The following BLTP1 variants were observed in gnomAD, a reference collection of about 807,000 sequenced individuals.
BLTP1 encodes the protein bridge-like lipid transfer protein family member 1.
chr4:122,245,101 G>A, the BLTP1 span: 1 of 1,610,640 alleles, frequency 6.2e-7, no homozygotes, highest in Non-Finnish European at 8.5e-7. Flanking sequence ...AAGTCCTCAG[G>A]GAAGCTGTCC....
At chr4:122,167,184 G>A in the BLTP1 span, among the ~76,000 whole-genome samples, 5 of 152,070 alleles carry the variant, frequency 3.3e-5, no homozygotes, top group African/African-American at 1.2e-4. Flanking sequence ...TACATTTACA[G>A]CTATATTTAT....
At chr4:122,316,943 T>G in the BLTP1 span, 1 of 978,920 alleles carries the variant, frequency 1.0e-6, no homozygotes, top group Non-Finnish European at 1.5e-6. Context: ...GAAACTGTAT[T>G]TGGTCTAATA....
At chr4:122,293,302 T>C in the BLTP1 span, 78 of 372,486 alleles carry the variant, frequency 2.1e-4, no homozygotes, top group Non-Finnish European at 2.7e-4. Flanking sequence ...GGTGAGTGAA[T>C]TCAGCACTTT....
chr4:122,188,969 T>TGTGG, the BLTP1 span: 1 of 985,312 alleles, frequency 1.0e-6, no homozygotes, highest in Non-Finnish European at 1.2e-6. Context: ...TCGCGGTGAC[T>TGTGG]GTGGGTCTTC....
chr4:122,188,976 C>T, the BLTP1 span: 1 of 985,142 alleles, frequency 1.0e-6, no homozygotes, highest in Non-Finnish European at 1.2e-6. Flanking sequence ...GACTGTGGGT[C>T]TTCCTGGCCT....
chr4:122,237,151 A>G, the BLTP1 span: 1 of 985,140 alleles, frequency 1.0e-6, no homozygotes, highest in African/African-American at 1.7e-5. Context: ...CTAGAACTGC[A>G]TTCTGTTCAC....
the BLTP1 span, chr4:122,276,190 C>A: frequency 1.8e-6 from 1 of 566,042 alleles, no homozygotes; most frequent in Non-Finnish European, 2.6e-6. Flanking sequence ...TCAAGGAAAA[C>A]ACAGGTAAGG....
chr4:122,224,492 T>A, the BLTP1 span: 1 of 1,608,890 alleles, frequency 6.2e-7, no homozygotes. Flanking sequence ...TCATTATTGT[T>A]TTCAGCAGCG....
At chr4:122,232,692 C>G in the BLTP1 span, among the ~76,000 whole-genome samples, 2 of 152,126 alleles carry the variant, frequency 1.3e-5, no homozygotes, top group African/African-American at 2.4e-5. Flanking sequence ...GAACACTGAA[C>G]TTAGGGTATC....
At chr4:122,280,682 AC>A in the BLTP1 span, among the ~76,000 whole-genome samples, 51 of 150,938 alleles carry the variant, frequency 3.4e-4, no homozygotes, top group South Asian at 1.0e-3. Context: ...AAAAAAAAAA[AC>A]AACCATGTAA....
At chr4:122,206,775 G>A in the BLTP1 span, among the ~76,000 whole-genome samples, 3 of 151,700 alleles carry the variant, frequency 2.0e-5, no homozygotes, top group African/African-American at 4.8e-5. Context: ...GTCAGTCTGT[G>A]TAGAAAAATA....
At chr4:122,265,932 G>T in the BLTP1 span, among the ~76,000 whole-genome samples, 1 of 152,178 alleles carries the variant, frequency 6.6e-6, no homozygotes, top group African/African-American at 2.4e-5. Flanking sequence ...CTGACCTCGT[G>T]ATCCACCTGC....
At chr4:122,269,081 A>G in the BLTP1 span, 2 of 965,448 alleles carry the variant, frequency 2.1e-6, no homozygotes, top group East Asian at 2.3e-4. Flanking sequence ...TAATACCTAC[A>G]CATACTCTCT....
At chr4:122,354,188 G>T in the BLTP1 span, among the ~76,000 whole-genome samples, 1 of 152,026 alleles carries the variant, frequency 6.6e-6, no homozygotes, top group African/African-American at 2.4e-5. Flanking sequence ...CTGGTAATGT[G>T]GCATCTCATG....
At chr4:122,239,911 C>G in the BLTP1 span, 1 of 1,613,948 alleles carries the variant, frequency 6.2e-7, no homozygotes, top group Non-Finnish European at 8.5e-7. Context: ...GATGAAGGCC[C>G]TGGAACTTAT....
the BLTP1 span, chr4:122,292,673 TGAATATTAA>T: frequency 1.3e-6 from 1 of 768,466 alleles, no homozygotes; most frequent in Non-Finnish European, 1.6e-6. Context: ...TTAAAAAGCA[TGAATATTAA>T]GAAAATGGAA....
chr4:122,175,854 C>A, the BLTP1 span: 1 of 1,575,080 alleles, frequency 6.3e-7, no homozygotes, highest in Non-Finnish European at 8.7e-7. Context: ...TCTTAGGATT[C>A]AAGATGGATT....
At chr4:122,243,501 G>C in the BLTP1 span, 1 of 904,104 alleles carries the variant, frequency 1.1e-6, no homozygotes, top group East Asian at 1.2e-4. Context: ...AGCATTTTGG[G>C]AGGCCATGGC....
chr4:122,209,675 T>A, the BLTP1 span: 1 of 1,074,928 alleles, frequency 9.3e-7, no homozygotes, highest in Non-Finnish European at 1.3e-6. Flanking sequence ...AAAATAAAAT[T>A]AGTGACAAGT....
Sources: gnomAD v4.1 joint callset for allele counts (sites outside exome capture counted in the v4.1 genomes callset) on GRCh38, gnomAD v4.1.1 for gene constraint, MANE v1.5 for transcripts, NCBI Gene and HGNC (gene_info 2026-07-23, HGNC 2026-07-21) for gene names.